The following MED14 variants were observed in gnomAD, a reference collection of about 807,000 sequenced individuals.
MED14 encodes mediator of RNA polymerase II transcription subunit 14.
A neutral mutation model predicts 109.0 loss-of-function variants in MED14; 8 were observed. The ratio of observed to expected loss-of-function variants is 0.07; its 90% CI spans 0.04 to 0.13. The LOEUF (loss-of-function observed/expected upper bound fraction) is 0.13. MED14 is among the 10% of genes least tolerant of loss of function. The pLI is 1.00. For synonymous variants in MED14, 399 were observed against 408.7 expected, an observed-to-expected ratio of 0.98 and a Z score of 0.29; for missense variants, 711 against 1,142.4, an observed-to-expected ratio of 0.62 and a Z score of 5.44.
Position 40,671,895 on chromosome X carries a change from A to C in MED14, c.3099T>G (p.Asn1033Lys). 8.3e-7 allele frequency: 1 copy of C among 1,204,456 alleles called. No individual in the cohort carries two copies. The highest frequency in any genetic ancestry group is 1.8e-5 in the South Asian group (1 of 56,204). Residue 1033 changes from asparagine to lysine, a missense_variant, in exon 23 of 31, where the codon AAT (asparagine) becomes AAG (lysine). This residue lies in a region of MED14 where 100 missense variants were observed against 147.5 expected (regional missense o/e 0.68). Transcript: ENST00000324817. ...SPPTSYHSTV[N>K]QSPSMMHTQS... ...GTGTGTGCATCATTGAGGGAGACTGATTGACTGTGCTATGATAAGATGTAG... is the reference window on the plus strand; with the variant it reads ...GTGTGTGCATCATTGAGGGAGACTGCTTGACTGTGCTATGATAAGATGTAG...
chrX:40,679,615 C>T (rs1455442473), intron 21 of MED14, among the ~76,000 whole-genome samples: 1 of 112,260 alleles, frequency 8.9e-6, no homozygotes, highest in Non-Finnish European at 1.9e-5. Context: ...TTTTTAGTAT[C>T]TTCACCCTAC....
Position 40,649,499 on chromosome X carries a change from AT to A in MED14, c.*2306del. Reference sequence around the variant, plus strand: ...GGTTAAATTAATACTAAACCAGACTATTAATGAAAACATCTTCATCAAAATT... The same window carrying A: ...GGTTAAATTAATACTAAACCAGACTATAATGAAAACATCTTCATCAAAATT... On this transcript the variant is annotated 3_prime_UTR_variant, in exon 31 of 31. Transcript: ENST00000324817. 1 of 548,787 alleles carries A rather than the reference AT, an allele frequency of 1.8e-6. No individual in the cohort carries two copies. The highest frequency in any genetic ancestry group is 2.4e-6 in the Non-Finnish European group (1 of 410,913). The allele number at this position is 548,787 out of a possible 1,213,427, so 45.2% of individuals were successfully genotyped here. A position where few individuals can be genotyped will look rare whatever the true frequency, so the allele number is the denominator to read the frequency against.
chrX:40,726,395 T>A, intron 3 of MED14: 1 of 116,928 alleles, frequency 8.6e-6, no homozygotes, highest in Non-Finnish European at 1.8e-5. Flanking sequence ...AAAAACCAAC[T>A]CTGCCATTCT....
In MED14 at chrX:40,692,730, G is replaced by A. The variant is rs778827399; in HGVS notation, c.1823C>T (p.Thr608Ile). ...TACCTTGCGCTTGGCATTGGTTCTGGTCTGTTTCCCGGTTTTTGTACGAAA... is the reference window on the plus strand; with the variant it reads ...TACCTTGCGCTTGGCATTGGTTCTGATCTGTTTCCCGGTTTTTGTACGAAA... ...LVFRTKTGKQ[T>I]RTNAKRKLSD... The change falls in exon 14 of 31, where the codon ACC becomes ATC. Residue 608 changes from threonine (T) to isoleucine (I), a missense_variant. By Grantham distance (89) the Thr-to-Ile change is moderately conservative. Coordinates refer to ENST00000324817, the MANE Select transcript of MED14 (RefSeq NM_004229.4). 12 of 1,207,141 alleles carry A rather than the reference G, an allele frequency of 9.9e-6. No individual in the cohort carries two copies. In the South Asian group the frequency reaches 2.1e-4, roughly 22 times the overall value.
In MED14 at chrX:40,671,422, C is replaced by T. The variant is rs1393015827; in HGVS notation, c.3133+439G>A. On this transcript the variant is annotated intron_variant, in intron 23 of 30. Transcript: ENST00000324817. ...GAGCTTGGGGGCAGGCCACCCTTCA[C>T]CTATTCCGTGGCTTAGCAAACTTTT... Among the ~76,000 whole-genome samples, 4 of 112,504 alleles carry T rather than the reference C, an allele frequency of 3.6e-5. No individual in the cohort carries two copies. The Admixed American group carries it at 3.8e-4, about 11-fold the overall frequency.
chrX:40,718,169 C>T (rs764951670), intron 3 of MED14, among the ~76,000 whole-genome samples: 1 of 112,222 alleles, frequency 8.9e-6, no homozygotes, highest in South Asian at 3.7e-4. Context: ...AGTAAAAATG[C>T]TACCTTCTAT....
intron 2 of MED14, among the ~76,000 whole-genome samples, chrX:40,727,702 G>A (rs958938735): frequency 3.6e-5 from 4 of 111,253 alleles, no homozygotes; most frequent in African/African-American, 9.8e-5. Context: ...AGCCAGGACC[G>A]ATGACCAGAC....
intron 16 of MED14, among the ~76,000 whole-genome samples, chrX:40,686,472 A>G (rs1270761792): frequency 8.9e-6 from 1 of 111,984 alleles, no homozygotes; most frequent in African/African-American, 3.2e-5. Flanking sequence ...TGCAATTGGA[A>G]GTATTGCATT....
intron 10 of MED14, among the ~76,000 whole-genome samples, chrX:40,707,142 T>TAGATAGAC (rs1555996893): frequency 1.1e-4 from 12 of 110,186 alleles, no homozygotes; most frequent in African/African-American, 3.0e-4. Flanking sequence ...GATAGATAGA[T>TAGATAGAC]AGATAGATAG....
chrX:40,667,029 C>A (rs990766783), intron 23 of MED14, among the ~76,000 whole-genome samples, 178 bp from the exon 24 acceptor site: 1 of 111,002 alleles, frequency 9.0e-6, no homozygotes, highest in African/African-American at 3.3e-5. Flanking sequence ...CAATTCCATG[C>A]GCCCAAATTC....
At chrX:40,675,010 A>G (rs1305076574) in intron 22 of MED14, among the ~76,000 whole-genome samples, 1 of 112,667 alleles carries the variant, frequency 8.9e-6, no homozygotes, top group Non-Finnish European at 1.9e-5. Flanking sequence ...AAGTGTGTGA[A>G]TGACCTGAGA....
At position 40,691,405 on chromosome X, in the gene MED14, G is replaced by C. The variant is rs143793838; in HGVS notation, c.1980+778C>G. 4.1e-3 allele frequency among the ~76,000 whole-genome samples: 460 copies of C among 111,166 alleles called. 5 individuals are homozygous for C. The highest frequency in any genetic ancestry group is 0.014 in the African/African-American group (440 of 30,635). On this transcript the variant is annotated intron_variant, in intron 15 of 30. Coordinates refer to ENST00000324817, the MANE Select transcript of MED14 (RefSeq NM_004229.4). ...TAGGCTTAAACAATGCTCCTACTAA[G>C]AGGTATAAAAGTAAAATGTTAATTC... is the stretch of plus-strand genomic sequence containing the variant.
At chrX:40,713,257 T>C (rs760486505) in intron 5 of MED14, among the ~76,000 whole-genome samples, 1 of 111,383 alleles carries the variant, frequency 9.0e-6, no homozygotes, top group Non-Finnish European at 1.9e-5. Flanking sequence ...AAATGAACAA[T>C]ATTTTCTTGA....
chrX:40,662,926 G>A lies in MED14; in HGVS notation c.3683C>T (p.Thr1228Met), dbSNP rs762920913. The A allele has an allele frequency of 9.2e-6, 11 of 1,196,686 alleles. No individual in the cohort carries two copies. Among genetic ancestry groups the A allele is most frequent in the Admixed American group, 6.6e-5 (3 of 45,536 alleles). ...RHLQRIIQQE[T>M]LQLINSNEPG... ...TAGAAGGTCATTAGGTACCCATACC[G>A]TTTCTTGTTGAATAATTCTTTGAAG... The change falls in exon 26 of 31, where the codon ACG becomes ATG. Residue 1228 changes from threonine (T) to methionine (M), a missense_variant and splice_region_variant. Around this residue, in one of 8 missense-constraint regions of MED14, gnomAD observed 54 missense variants for 129.6 expected, o/e 0.42. Transcript: ENST00000324817.
intron 2 of MED14, among the ~76,000 whole-genome samples, chrX:40,727,129 A>C (rs1931921276): frequency 8.9e-6 from 1 of 112,489 alleles, no homozygotes; most frequent in Non-Finnish European, 1.9e-5. Context: ...AGTTGTTTAC[A>C]AAAATATACT....
At chrX:40,659,772 G>A (rs371075820) in intron 26 of MED14, 165 bp from the exon 27 acceptor site, 5 of 409,779 alleles carry the variant, frequency 1.2e-5, no homozygotes, top group African/African-American at 1.0e-4. Context: ...AAAGAGATGC[G>A]ATCAGACATT....
chrX:40,674,690 G>A (rs1263979091), intron 22 of MED14, among the ~76,000 whole-genome samples: 2 of 112,008 alleles, frequency 1.8e-5, no homozygotes, highest in Non-Finnish European at 3.8e-5. Flanking sequence ...TCTATTTCAG[G>A]AGGGTCAGTG....
intron 3 of MED14, among the ~76,000 whole-genome samples, chrX:40,724,327 A>G (rs1026479451): frequency 2.7e-5 from 3 of 112,751 alleles, no homozygotes; most frequent in African/African-American, 9.7e-5. Flanking sequence ...GCACTGTGGA[A>G]CAAATAAACC....
rs548775949 is a variant in MED14 at position 40,650,319 on chromosome X, G to A, written c.*1487C>T. 2.1e-5 allele frequency: 16 copies of A among 752,284 alleles called. No individual in the cohort carries two copies. The highest frequency in any genetic ancestry group is 1.5e-4 in the East Asian group (1 of 6,611). 62.0% of individuals were successfully genotyped at this position (752,284 alleles called of 1,213,427 possible). On this transcript the variant is annotated 3_prime_UTR_variant, in exon 31 of 31. Coordinates refer to ENST00000324817, the MANE Select transcript of MED14 (RefSeq NM_004229.4). The stretch of plus-strand genomic sequence containing the variant: ...GCTTCAACTCTGATTGAAAATGAGT[G>A]GAGAATCAAACAAAGTTGAGAACAG...
Sources: allele counts gnomAD v4.1 joint callset (sites outside exome capture counted in the v4.1 genomes callset), GRCh38; gene constraint gnomAD v4.1.1; regional missense constraint gnomAD v4.1.1; transcripts MANE v1.5; gene names NCBI Gene and HGNC (gene_info 2026-07-23, HGNC 2026-07-21).